The following LAMA1 variants were observed in gnomAD, a reference collection of about 807,000 sequenced individuals.
LAMA1 encodes laminin subunit alpha-1.
In LAMA1, 219 loss-of-function variants were observed where a neutral mutation model predicts 348.7. The observed-to-expected ratio is 0.63, with a 90% confidence interval of 0.56 to 0.70. The LOEUF is 0.70. LAMA1 is among the 30% of genes least tolerant of loss of function. LAMA1 has a pLI of 0.00. For synonymous variants in LAMA1, 1,487 were observed against 1,491.0 expected, an observed-to-expected ratio of 1.00 and a Z score of 0.06; for missense variants, 3,744 against 3,888.0, an observed-to-expected ratio of 0.96 and a Z score of 0.99.
intron 50 of LAMA1, 137 bp downstream of exon 50, chr18:6,965,151 A>C: frequency 8.6e-7 from 1 of 1,166,456 alleles, no homozygotes; most frequent in Non-Finnish European, 1.3e-6. Flanking sequence ...TTAGTATTCC[A>C]AAGACAACAC....
chr18:7,031,450 C>A (rs891309698), intron 16 of LAMA1, among the ~76,000 whole-genome samples: 1 of 152,090 alleles, frequency 6.6e-6, no homozygotes, highest in Non-Finnish European at 1.5e-5. Flanking sequence ...TAATTTATCC[C>A]AACTAACTAT....
At chr18:7,114,448 C>A (rs2143842015) in intron 1 of LAMA1, among the ~76,000 whole-genome samples, 1 of 152,250 alleles carries the variant, frequency 6.6e-6, no homozygotes, top group Admixed American at 6.5e-5. Flanking sequence ...AACAATTATG[C>A]ATTTTGGAGA....
chr18:7,103,227 C>T (rs1401989492), intron 1 of LAMA1, among the ~76,000 whole-genome samples: 1 of 151,888 alleles, frequency 6.6e-6, no homozygotes, highest in Non-Finnish European at 1.5e-5. Context: ...ACCATCACGG[C>T]TAACATGGTG....
At chr18:6,988,864 T>C (rs2057746936) in intron 36 of LAMA1, among the ~76,000 whole-genome samples, 1 of 135,358 alleles carries the variant, frequency 7.4e-6, no homozygotes, top group Admixed American at 7.3e-5. Context: ...AGCATGGAAA[T>C]CATTTGAAAA....
rs532110618 is a variant in LAMA1 at position 6,952,297 on chromosome 18, T to A, written c.8208-1326A>T. On this transcript the variant is annotated intron_variant, in intron 57 of 62. Coordinates refer to ENST00000389658, the MANE Select transcript of LAMA1 (RefSeq NM_005559.4). ...GCCCAGTGCAGGGGGCTCCGCACCA[T>A]GTAGCTGCACAGGGGTCTCGAGTAA... Among the ~76,000 whole-genome samples the A allele has an allele frequency of 4.6e-5, 7 of 152,298 alleles. No individual in the cohort carries two copies. The South Asian group carries it at 1.5e-3, about 32-fold the overall frequency.
chr18:6,979,855 C>T (rs539544924), intron 42 of LAMA1, among the ~76,000 whole-genome samples: 243 of 152,232 alleles, frequency 1.6e-3, no homozygotes, highest in African/African-American at 4.0e-3. Context: ...GCCAAGATCG[C>T]GCCACTGCAC....
chr18:7,002,120 G>T, intron 30 of LAMA1, 144 bp downstream of exon 30: 6 of 1,062,040 alleles, frequency 5.6e-6, no homozygotes, highest in Non-Finnish European at 8.2e-6. Context: ...TTTTGAGAAT[G>T]AACACCTTTT....
At chr18:6,985,459 T>C (rs2057730300) in intron 38 of LAMA1, 59 bp from the exon 39 acceptor site, 6 of 1,605,446 alleles carry the variant, frequency 3.7e-6, no homozygotes, top group Middle Eastern at 3.3e-4. Context: ...CAGATATGTG[T>C]GCATATAGAA....
At position 6,985,385 on chromosome 18, in the gene LAMA1, G is replaced by A. The variant is rs376548651; in HGVS notation, c.5512C>T (p.Gln1838Ter). 9 of 1,614,126 alleles carry A rather than the reference G, an allele frequency of 5.6e-6. No individual in the cohort carries two copies. The highest frequency in any genetic ancestry group is 7.6e-6 in the Non-Finnish European group (9 of 1,180,018). ...GCAGACCATAAAAGTAGCTTATCCTGGTGATCCTCTAAGTGCTACATGGAG... is the reference window on the plus strand; with the variant it reads ...GCAGACCATAAAAGTAGCTTATCCTAGTGATCCTCTAAGTGCTACATGGAG... ...QDALEHLEDH[Q>*]DKLLLWSAKI... Residue 1838 changes from glutamine (Q) to a stop codon, truncating the protein, a stop_gained, in exon 39 of 63, where the codon CAG becomes TAG. Transcript: ENST00000389658. LOFTEE classifies it high-confidence loss of function.
At position 7,011,980 on chromosome 18, in the gene LAMA1, CTG is replaced by C. The variant is rs2057862566; in HGVS notation, c.3507+13_3507+14del. On this transcript the variant is annotated intron_variant, in intron 24 of 62. Coordinates refer to ENST00000389658, the MANE Select transcript of LAMA1 (RefSeq NM_005559.4). The stretch of plus-strand genomic sequence containing the variant: ...TGGGGTTAGAAGCAGAACACTTTCG[CTG>C]TGTGTGACTTACTGGGGTCCTCACG... 1.3e-6 allele frequency: 2 copies of C among 1,594,790 alleles called. No individual in the cohort carries two copies. Among genetic ancestry groups the C allele is most frequent in the Non-Finnish European group, 1.7e-6 (2 of 1,169,500 alleles).
At chr18:6,996,710 T>G (rs2144082985) in intron 33 of LAMA1, among the ~76,000 whole-genome samples, 1 of 152,152 alleles carries the variant, frequency 6.6e-6, no homozygotes, top group African/African-American at 2.4e-5. Flanking sequence ...GCTATGGAGG[T>G]TAAGGCTGCA....
At chr18:7,028,877 G>A (rs1440412376) in intron 16 of LAMA1, among the ~76,000 whole-genome samples, 1 of 152,214 alleles carries the variant, frequency 6.6e-6, no homozygotes, top group Non-Finnish European at 1.5e-5. Context: ...TTCTGCACAC[G>A]TGTGTCGCTG....
intron 3 of LAMA1, among the ~76,000 whole-genome samples, chr18:7,064,209 C>T (rs536345979): frequency 2.0e-5 from 3 of 151,674 alleles, no homozygotes; most frequent in Middle Eastern, 3.4e-3. Flanking sequence ...AGAGAATATG[C>T]CATTTTTAAT....
intron 3 of LAMA1, among the ~76,000 whole-genome samples, chr18:7,062,117 C>T (rs945348471): frequency 1.1e-4 from 16 of 152,186 alleles, no homozygotes; most frequent in Admixed American, 2.6e-4. Context: ...AAGCCAGGTG[C>T]CACAAATATG....
chr18:7,106,645 C>A (rs1227878924), intron 1 of LAMA1, among the ~76,000 whole-genome samples: 1 of 152,106 alleles, frequency 6.6e-6, no homozygotes, highest in Non-Finnish European at 1.5e-5. Flanking sequence ...CAGGCGTGAG[C>A]CACCGCGCCC....
At chr18:7,006,419 T>A (rs1475342908) in intron 29 of LAMA1, among the ~76,000 whole-genome samples, 3 of 152,138 alleles carry the variant, frequency 2.0e-5, no homozygotes, top group Admixed American at 2.0e-4. Context: ...CACAGAGAAA[T>A]ACATTTTCAA....
intron 1 of LAMA1, among the ~76,000 whole-genome samples, chr18:7,103,849 A>G (rs1486282443): frequency 1.3e-5 from 2 of 150,528 alleles, no homozygotes; most frequent in Non-Finnish European, 3.0e-5. Context: ...TGGGTGACCC[A>G]CTGAGGTCTC....
intron 48 of LAMA1, among the ~76,000 whole-genome samples, chr18:6,966,723 G>A (rs1356354259): frequency 6.6e-6 from 1 of 152,160 alleles, no homozygotes; most frequent in African/African-American, 2.4e-5. Flanking sequence ...GAGTTATGAT[G>A]GAAAGCAAGT....
intron 24 of LAMA1, among the ~76,000 whole-genome samples, 159 bp from the exon 25 acceptor site, chr18:7,011,638 T>A (rs926547518): frequency 2.6e-5 from 4 of 152,128 alleles, no homozygotes; most frequent in Non-Finnish European, 5.9e-5. Context: ...TGGAAGAAAA[T>A]GAACTGAAAG....
Sources: allele counts gnomAD v4.1 joint callset (sites outside exome capture counted in the v4.1 genomes callset), GRCh38; gene constraint gnomAD v4.1.1; transcripts MANE v1.5; gene names NCBI Gene and HGNC (gene_info 2026-07-23, HGNC 2026-07-21).